The following RGS7 variants were observed in gnomAD, a reference collection of about 807,000 sequenced individuals.
The protein encoded by RGS7 is regulator of G protein signaling 7, also known as regulator of G-protein signaling 7.
A neutral mutation model predicts 81.1 loss-of-function variants in RGS7; 27 were observed. The ratio of observed to expected loss-of-function variants is 0.33; its 90% CI spans 0.25 to 0.46. RGS7 has a LOEUF of 0.46. RGS7 is among the 20% of genes least tolerant of loss of function. RGS7 has a pLI of 1.00. For synonymous variants in RGS7, 208 were observed against 207.7 expected (o/e 1.00, Z -0.01); for missense variants, 396 against 607.4 (o/e 0.65, Z 3.66).
chr1:241,015,234 T>A (rs2059160864), intron 3 of RGS7, among the ~76,000 whole-genome samples: 1 of 152,234 alleles, frequency 6.6e-6, no homozygotes, highest in Admixed American at 6.5e-5. Flanking sequence ...CAATGACAGA[T>A]TTTTATTGTA....
chr1:241,244,565 A>C (rs1445521670), intron 2 of RGS7, among the ~76,000 whole-genome samples: 1 of 152,200 alleles, frequency 6.6e-6, no homozygotes, highest in African/African-American at 2.4e-5. Context: ...TCAAGGATCT[A>C]GAACTAGAAA....
At chr1:241,227,049 A>T (rs1399640268) in intron 2 of RGS7, among the ~76,000 whole-genome samples, 1 of 152,200 alleles carries the variant, frequency 6.6e-6, no homozygotes, top group Non-Finnish European at 1.5e-5. Context: ...ATAATTATGA[A>T]CTGACAATAC....
At chr1:241,306,497 CACAA>C (rs1291649862) in intron 2 of RGS7, among the ~76,000 whole-genome samples, 4 of 151,022 alleles carry the variant, frequency 2.6e-5, no homozygotes, top group African/African-American at 4.9e-5. Flanking sequence ...CACATTGTTA[CACAA>C]ACACCCTCAC....
At chr1:241,353,855 T>C (rs2083398926) in intron 2 of RGS7, among the ~76,000 whole-genome samples, 2 of 152,114 alleles carry the variant, frequency 1.3e-5, no homozygotes, top group South Asian at 4.1e-4. Flanking sequence ...AAATTACCAA[T>C]ATGAGGCTCA....
At chr1:241,055,631 A>G (rs2061438881) in intron 3 of RGS7, among the ~76,000 whole-genome samples, 1 of 152,230 alleles carries the variant, frequency 6.6e-6, no homozygotes, top group East Asian at 1.9e-4. Flanking sequence ...TGGCCTCCCC[A>G]AGCATGCCAC....
At chr1:240,882,199 G>A (rs1666528913) in intron 6 of RGS7, among the ~76,000 whole-genome samples, 1 of 152,260 alleles carries the variant, frequency 6.6e-6, no homozygotes, top group East Asian at 1.9e-4. Context: ...ACAAGCATGA[G>A]CCACCGTGCC....
chr1:241,084,920 T>C (rs997803166), intron 3 of RGS7, among the ~76,000 whole-genome samples: 10 of 152,280 alleles, frequency 6.6e-5, no homozygotes, highest in Non-Finnish European at 1.3e-4. Flanking sequence ...TTTTGGCTCC[T>C]GCCAATTAGT....
intron 2 of RGS7, among the ~76,000 whole-genome samples, chr1:241,317,381 C>T (rs1200225959): frequency 6.6e-6 from 1 of 152,206 alleles, no homozygotes; most frequent in Non-Finnish European, 1.5e-5. Flanking sequence ...ATACTACAAG[C>T]CAGCTCCAGC....
chr1:240,975,128 G>T (rs1683868847), intron 4 of RGS7, among the ~76,000 whole-genome samples: 1 of 152,164 alleles, frequency 6.6e-6, no homozygotes, highest in Admixed American at 6.5e-5. Context: ...ATGCGGCCGG[G>T]TGCGGTGGCT....
chr1:240,915,078 G>A lies in RGS7; in HGVS notation c.385+15639C>T, dbSNP rs150878528. 2.0e-3 allele frequency among the ~76,000 whole-genome samples: 304 copies of A among 152,214 alleles called. 2 individuals carry two copies. The highest frequency in any genetic ancestry group is 0.011 in the East Asian group (59 of 5,180). On this transcript the variant is annotated intron_variant, in intron 6 of 18. Coordinates refer to ENST00000440928, the MANE Select transcript of RGS7 (RefSeq NM_001364886.1). ...AGCCCTACTAGGTTTGCACAATGAG[G>A]GTCAGGGAGAAATTTCCTAATGCTT...
chr1:241,251,900 G>T (rs2148218123), intron 2 of RGS7, among the ~76,000 whole-genome samples: 1 of 152,208 alleles, frequency 6.6e-6, no homozygotes, highest in Middle Eastern at 3.4e-3. Flanking sequence ...TCACTTTGGA[G>T]CTCTGTAAAG....
chr1:240,887,464 G>A (rs970460208), intron 6 of RGS7, among the ~76,000 whole-genome samples: 1 of 152,116 alleles, frequency 6.6e-6, no homozygotes, highest in African/African-American at 2.4e-5. Flanking sequence ...TCCTGACTTC[G>A]TGATCTGCCC....
intron 14 of RGS7, among the ~76,000 whole-genome samples, chr1:240,809,772 A>G (rs1689522078): frequency 2.0e-5 from 3 of 152,204 alleles, no homozygotes; most frequent in Admixed American, 2.0e-4. Flanking sequence ...TCAAGAATTA[A>G]TCTACATCTT....
intron 2 of RGS7, among the ~76,000 whole-genome samples, chr1:241,210,855 A>G (rs2074203538): frequency 6.6e-6 from 1 of 152,242 alleles, no homozygotes; most frequent in Non-Finnish European, 1.5e-5. Flanking sequence ...CTGTGAGTCT[A>G]TAAAGAATAA....
chr1:241,238,730 G>T (rs551609448), intron 2 of RGS7, among the ~76,000 whole-genome samples: 3 of 151,744 alleles, frequency 2.0e-5, no homozygotes, highest in Admixed American at 6.6e-5. Context: ...TTAAATACAA[G>T]CTACTAAATC....
chr1:240,963,930 T>C (rs1476766914), intron 4 of RGS7, among the ~76,000 whole-genome samples: 1 of 152,190 alleles, frequency 6.6e-6, no homozygotes, highest in Non-Finnish European at 1.5e-5. Context: ...GTGGATCACT[T>C]GAAGCCAGGA....
intron 2 of RGS7, among the ~76,000 whole-genome samples, chr1:241,145,755 CAAAT>C (rs375811703): frequency 6.4e-4 from 98 of 152,162 alleles, no homozygotes; most frequent in African/African-American, 2.2e-3. Flanking sequence ...AATAAACAAA[CAAAT>C]AAATAAATTA....
intron 6 of RGS7, among the ~76,000 whole-genome samples, chr1:240,888,993 T>C (rs1047037958): frequency 1.2e-4 from 18 of 152,154 alleles, no homozygotes; most frequent in African/African-American, 4.3e-4. Context: ...TCCCACTCTA[T>C]TGCCCAGGCT....
intron 2 of RGS7, among the ~76,000 whole-genome samples, chr1:241,273,927 C>T (rs1299711489): frequency 6.6e-6 from 1 of 152,106 alleles, no homozygotes; most frequent in Non-Finnish European, 1.5e-5. Context: ...TCTGGAGCTC[C>T]TTGAGATTCT....
Sources: allele counts gnomAD v4.1 joint callset (sites outside exome capture counted in the v4.1 genomes callset), GRCh38; gene constraint gnomAD v4.1.1; transcripts MANE v1.5; gene names NCBI Gene and HGNC (gene_info 2026-07-23, HGNC 2026-07-21).